Variants in SLC25A17 observed in about 807,000 individuals in gnomAD.
The protein encoded by SLC25A17 is peroxisomal membrane protein PMP34.
In SLC25A17, 26 loss-of-function variants were observed where a neutral mutation model predicts 38.5. That is an observed-to-expected ratio of 0.68 (90% confidence interval 0.50 to 0.94). The LOEUF (loss-of-function observed/expected upper bound fraction) is 0.94, where lower values mean the gene tolerates loss of function less well. SLC25A17 is among the 40% of genes least tolerant of loss of function. The pLI, the probability that SLC25A17 is intolerant of heterozygous loss-of-function variation, is 0.00. For synonymous variants in SLC25A17, 139 were observed against 136.2 expected, an observed-to-expected ratio of 1.02 and a Z score of -0.14; for missense variants, 333 against 372.7, an observed-to-expected ratio of 0.89 and a Z score of 0.88.
chr22:40,780,459 G>T (rs1445596868), intron 4 of SLC25A17, among the ~76,000 whole-genome samples: 3 of 152,204 alleles, frequency 2.0e-5, no homozygotes, highest in Non-Finnish European at 2.9e-5. Flanking sequence ...CTTAGTTACA[G>T]ATTCTTCCTA....
At chr22:40,809,351 C>T (rs929569903) in intron 1 of SLC25A17, among the ~76,000 whole-genome samples, 4 of 151,788 alleles carry the variant, frequency 2.6e-5, no homozygotes, top group African/African-American at 9.7e-5. Flanking sequence ...AACAAAAAGG[C>T]TCACACCTGT....
chr22:40,790,340 C>CAAAA (rs138301), intron 4 of SLC25A17, among the ~76,000 whole-genome samples: 1 of 61,212 alleles, frequency 1.6e-5, no homozygotes, highest in Non-Finnish European at 3.0e-5. Flanking sequence ...GACACAATCT[C>CAAAA]AAAAAAAAAA....
chr22:40,771,031 A>G (rs774798441), intron 8 of SLC25A17, 50 bp from the exon 9 acceptor site: 2 of 1,475,100 alleles, frequency 1.4e-6, no homozygotes, highest in Non-Finnish European at 1.8e-6. Flanking sequence ...TGCATCAGAG[A>G]ACATGCTACC....
intron 1 of SLC25A17, among the ~76,000 whole-genome samples, chr22:40,815,383 C>A (rs1028345567): frequency 6.6e-6 from 1 of 152,060 alleles, no homozygotes; most frequent in Non-Finnish European, 1.5e-5. Flanking sequence ...GTCTATTTTT[C>A]CTCTGAGACC....
intron 4 of SLC25A17, among the ~76,000 whole-genome samples, chr22:40,791,647 C>T (rs1405896899): frequency 1.3e-5 from 2 of 152,164 alleles, no homozygotes; most frequent in African/African-American, 4.8e-5. Context: ...AAGTGATGTT[C>T]AGCATCACTA....
intron 8 of SLC25A17, among the ~76,000 whole-genome samples, chr22:40,771,425 T>C (rs2057182405): frequency 6.6e-6 from 1 of 152,156 alleles, no homozygotes; most frequent in African/African-American, 2.4e-5. Flanking sequence ...TTTTGGTTCT[T>C]ACAAATAATG....
At chr22:40,801,301 G>GT (rs1483183752) in intron 1 of SLC25A17, among the ~76,000 whole-genome samples, 1 of 151,472 alleles carries the variant, frequency 6.6e-6, no homozygotes, top group Non-Finnish European at 1.5e-5. Context: ...AACACATATT[G>GT]TTACCTCTCC....
chr22:40,778,067 C>CT, intron 5 of SLC25A17, among the ~76,000 whole-genome samples: 1 of 152,216 alleles, frequency 6.6e-6, no homozygotes, highest in South Asian at 2.1e-4. Context: ...CAGGATTTGA[C>CT]TTTTAAAAAC....
chr22:40,777,898 T>C (rs1386599517), intron 5 of SLC25A17, among the ~76,000 whole-genome samples: 2 of 152,172 alleles, frequency 1.3e-5, no homozygotes, highest in African/African-American at 4.8e-5. Context: ...AGAGACCAAC[T>C]TCAATCACAG....
At position 40,789,871 on chromosome 22, in the gene SLC25A17, G is replaced by T. The variant is rs375078031; in HGVS notation, c.334+2654C>A. Among the ~76,000 whole-genome samples, 29 of 151,382 alleles carry T rather than the reference G, an allele frequency of 1.9e-4. No homozygotes were observed. The highest frequency in any genetic ancestry group is 6.8e-3 in the Middle Eastern group (2 of 292). On this transcript the variant is annotated intron_variant, in intron 4 of 8. Transcript: ENST00000435456. This position sits in a 1 kb window ranked among gnomAD's most constrained non-coding sequence, Gnocchi z 4.5. ...TGCCCAGGCTGGTCTCAAACTGCGG[G>T]CTCAAGTGATCCTCCTGCCTTGACC...
chr22:40,795,035 G>A (rs538307390), intron 2 of SLC25A17, among the ~76,000 whole-genome samples: 4 of 152,056 alleles, frequency 2.6e-5, no homozygotes, highest in African/African-American at 9.7e-5. Context: ...TTACAGGCGT[G>A]AGCCACCATA....
At chr22:40,782,221 AAACAACAACAACAAC>A (rs57313774) in intron 4 of SLC25A17, among the ~76,000 whole-genome samples, 1 of 149,894 alleles carries the variant, frequency 6.7e-6, no homozygotes, top group Non-Finnish European at 1.5e-5. Context: ...CCCCATCTCA[AAACAACAACAACAAC>A]AACAACAACA....
At chr22:40,814,787 ATATTGTTG>A (rs2057620222) in intron 1 of SLC25A17, among the ~76,000 whole-genome samples, 2 of 103,262 alleles carry the variant, frequency 1.9e-5, no homozygotes, top group Non-Finnish European at 3.9e-5. Flanking sequence ...ATATATATAT[ATATTGTTG>A]TTGTTGTTGT....
chr22:40,788,930 C>T, intron 4 of SLC25A17: 1 of 301,834 alleles, frequency 3.3e-6, no homozygotes, highest in African/African-American at 2.3e-5. Context: ...AAGTTCTTTT[C>T]TGGTCTGAGG....
intron 8 of SLC25A17, among the ~76,000 whole-genome samples, chr22:40,773,410 CAAAAAAAAAAA>C (rs59479764): frequency 1.3e-5 from 1 of 74,338 alleles, no homozygotes; most frequent in African/African-American, 5.4e-5. Context: ...ACTCTGTCTC[CAAAAAAAAAAA>C]AAAAAAAAAA....
At chr22:40,803,738 T>C (rs2057503876) in intron 1 of SLC25A17, among the ~76,000 whole-genome samples, 1 of 151,960 alleles carries the variant, frequency 6.6e-6, no homozygotes, top group African/African-American at 2.4e-5. Flanking sequence ...GTTTCCATAA[T>C]GGCTGTACCA....
At chr22:40,795,303 T>C (rs1301029337) in intron 2 of SLC25A17, among the ~76,000 whole-genome samples, 1 of 152,094 alleles carries the variant, frequency 6.6e-6, no homozygotes, top group Non-Finnish European at 1.5e-5. Flanking sequence ...CTTCCTTTTT[T>C]TTTTTTTGAG....
At chr22:40,807,186 T>C (rs2057537938) in intron 1 of SLC25A17, among the ~76,000 whole-genome samples, 1 of 152,240 alleles carries the variant, frequency 6.6e-6, no homozygotes, top group African/African-American at 2.4e-5. Flanking sequence ...ACATTGTGAA[T>C]GTATTAAATA....
intron 8 of SLC25A17, among the ~76,000 whole-genome samples, chr22:40,773,396 C>T (rs1434515067): frequency 3.3e-5 from 4 of 122,814 alleles, no homozygotes; most frequent in South Asian, 2.6e-4. Flanking sequence ...GGCAACAGAG[C>T]GAGACTCTGT....
Sources: gnomAD v4.1 joint callset for allele counts (sites outside exome capture counted in the v4.1 genomes callset) on GRCh38, gnomAD v4.1.1 for gene constraint, Gnocchi (gnomAD v3.1) non-coding constraint, MANE v1.5 for transcripts, NCBI Gene and HGNC (gene_info 2026-07-23, HGNC 2026-07-21) for gene names.